The following AMELX variants were observed in gnomAD, a reference collection of about 807,000 sequenced individuals.
The protein encoded by AMELX is amelogenin X-linked, also known as amelogenin, X isoform.
A neutral mutation model predicts 15.8 loss-of-function variants in AMELX; 9 were observed. The observed-to-expected ratio is 0.57, with a 90% CI of 0.34 to 0.99. The LOEUF is 0.99. Ranked by LOEUF, AMELX falls within the 50% of genes least tolerant of loss-of-function variation. The pLI is 0.02. For missense variants in AMELX, 107 were observed against 156.2 expected (o/e 0.68, Z 1.68); for synonymous variants, 61 against 58.8 (o/e 1.04, Z -0.17).
At chrX:11,305,460 G>C (rs755278593), downstream of AMELX, among the ~76,000 whole-genome samples, 1 of 112,371 alleles carries the variant, frequency 8.9e-6, no homozygotes, top group Non-Finnish European at 1.9e-5. Context: ...ACTTAGAAGT[G>C]AGTATTTGTT....
chrX:11,308,013 A>T, the AMELX span, among the ~76,000 whole-genome samples: 1 of 112,548 alleles, frequency 8.9e-6, no homozygotes, highest in African/African-American at 3.2e-5. Context: ...AAACTAAATA[A>T]TTCGTATATA....
chrX:11,308,575 T>C, the AMELX span, among the ~76,000 whole-genome samples: 2 of 111,504 alleles, frequency 1.8e-5, no homozygotes, highest in African/African-American at 3.3e-5. Context: ...GGGCAACCTA[T>C]GCCCTTGTCC....
Position 11,294,749 on chromosome X carries a change from G to A in AMELX, c.-12-28G>A, listed in dbSNP as rs759170832. ...TACATCCATGTTTCAGAAGAGATAAGAAAAGTGGATGTTGACTTACATTTC... is the reference window on the plus strand; with the variant it reads ...TACATCCATGTTTCAGAAGAGATAAAAAAAGTGGATGTTGACTTACATTTC... On this transcript the variant is annotated intron_variant, in intron 1 of 5. Coordinates refer to ENST00000380714, the MANE Select transcript of AMELX (RefSeq NM_001142.2). 6 of 1,194,406 alleles carry A rather than the reference G, an allele frequency of 5.0e-6. No individual in the cohort carries two copies. In the South Asian group the frequency reaches 1.1e-4, roughly 21 times the overall value.
chrX:11,306,062 T>C, the AMELX span, among the ~76,000 whole-genome samples: 1 of 111,610 alleles, frequency 9.0e-6, no homozygotes, highest in Non-Finnish European at 1.9e-5. Flanking sequence ...CAGCCATCAG[T>C]GACCCTCACC....
downstream of AMELX, among the ~76,000 whole-genome samples, chrX:11,301,278 C>T (rs1032389594): frequency 2.7e-5 from 3 of 112,073 alleles, 1 homozygote; most frequent in Admixed American, 2.8e-4. Context: ...AAAATGTTAT[C>T]AATGGAGCTT....
downstream of AMELX, among the ~76,000 whole-genome samples, chrX:11,302,473 C>T (rs2048185180): frequency 9.0e-6 from 1 of 111,720 alleles, no homozygotes; most frequent in Non-Finnish European, 1.9e-5. Flanking sequence ...TTCCTCAGGC[C>T]AAACTTTACA....
intron 5 of AMELX, among the ~76,000 whole-genome samples, chrX:11,300,353 C>A (rs1052643387): frequency 9.0e-6 from 1 of 111,170 alleles, no homozygotes; most frequent in African/African-American, 3.3e-5. Context: ...GCAAGACGTA[C>A]CCCCCAAAAA....
intron 1 of AMELX, among the ~76,000 whole-genome samples, 192 bp downstream of exon 1, chrX:11,293,660 G>C (rs1174028016): frequency 8.9e-6 from 1 of 111,754 alleles, no homozygotes; most frequent in Non-Finnish European, 1.9e-5. Context: ...ATGCAACAAA[G>C]TGCTTGTCTA....
At chrX:11,303,458 C>T (rs759621010), downstream of AMELX, among the ~76,000 whole-genome samples, 23 of 111,631 alleles carry the variant, frequency 2.1e-4, no homozygotes, top group African/African-American at 7.2e-4. Context: ...CATTTGGGTT[C>T]GAAACATTTA....
chrX:11,300,137 A>G (rs1371355176), intron 5 of AMELX, among the ~76,000 whole-genome samples: 1 of 111,951 alleles, frequency 8.9e-6, no homozygotes. Flanking sequence ...AAATGCATTT[A>G]CTTCTTTATG....
chrX:11,297,603 G>T (rs1005530260), intron 3 of AMELX, among the ~76,000 whole-genome samples: 1 of 111,892 alleles, frequency 8.9e-6, no homozygotes, highest in Non-Finnish European at 1.9e-5. Context: ...ATACTGTTCA[G>T]AAAGGAATAA....
chrX:11,307,353 G>A, the AMELX span, among the ~76,000 whole-genome samples: 1 of 110,831 alleles, frequency 9.0e-6, no homozygotes, highest in Non-Finnish European at 1.9e-5. Flanking sequence ...TCTCTACCTG[G>A]CATCTAATGC....
downstream of AMELX, among the ~76,000 whole-genome samples, chrX:11,303,657 A>G (rs1231319666): frequency 8.9e-6 from 1 of 111,823 alleles, no homozygotes; most frequent in African/African-American, 3.3e-5. Flanking sequence ...TGCCTCTCCA[A>G]ATAATTTTCC....
chrX:11,308,474 C>G, the AMELX span, among the ~76,000 whole-genome samples: 1 of 111,829 alleles, frequency 8.9e-6, no homozygotes, highest in Admixed American at 9.4e-5. Flanking sequence ...GGCCACAGGA[C>G]AGAGCTGAAC....
downstream of AMELX, among the ~76,000 whole-genome samples, chrX:11,300,928 A>G (rs947852824): frequency 1.8e-5 from 2 of 112,123 alleles, no homozygotes; most frequent in African/African-American, 6.5e-5. Context: ...TTTAAATTAT[A>G]CTGTCTCAAA....
downstream of AMELX, among the ~76,000 whole-genome samples, chrX:11,301,917 C>A (rs2048179447): frequency 8.9e-6 from 1 of 112,167 alleles, no homozygotes; most frequent in African/African-American, 3.2e-5. Flanking sequence ...CAACAGCTTT[C>A]CTCACCACTC....
the AMELX span, among the ~76,000 whole-genome samples, chrX:11,307,094 C>G: frequency 9.0e-6 from 1 of 110,710 alleles, no homozygotes; most frequent in African/African-American, 3.3e-5. Context: ...GTCCAGTGCT[C>G]GTAGAAACCA....
intron 2 of AMELX, among the ~76,000 whole-genome samples, chrX:11,295,295 C>T (rs2048064915): frequency 9.0e-6 from 1 of 111,293 alleles, no homozygotes; most frequent in African/African-American, 3.3e-5. Context: ...GCTGCTCTTA[C>T]CCCTCAGGGG....
chrX:11,303,183 T>A (rs2048191957), downstream of AMELX, among the ~76,000 whole-genome samples: 1 of 112,807 alleles, frequency 8.9e-6, no homozygotes. Context: ...GTCATCAGCT[T>A]ATGTCTGTTG....
Sources: allele counts gnomAD v4.1 joint callset (sites outside exome capture counted in the v4.1 genomes callset), GRCh38; gene constraint gnomAD v4.1.1; transcripts MANE v1.5; gene names NCBI Gene and HGNC (gene_info 2026-07-23, HGNC 2026-07-21).